ABTB3: variants seen among roughly 807,000 people sequenced by gnomAD.
The protein encoded by ABTB3 is ankyrin repeat and BTB domain containing 3.
At chr12:107,424,414 G>A in the ABTB3 span, among the ~76,000 whole-genome samples, 1 of 152,186 alleles carries the variant, frequency 6.6e-6, no homozygotes, top group African/African-American at 2.4e-5. Flanking sequence ...CTTCTCCCTT[G>A]GAGATGCGGA....
chr12:107,344,378 GA>G, the ABTB3 span, among the ~76,000 whole-genome samples: 1 of 152,168 alleles, frequency 6.6e-6, no homozygotes, highest in Non-Finnish European at 1.5e-5. Flanking sequence ...GGAGAGAAGG[GA>G]AATTGGTTGG....
chr12:107,493,787 C>T, the ABTB3 span, among the ~76,000 whole-genome samples: 6 of 152,080 alleles, frequency 3.9e-5, no homozygotes, highest in Non-Finnish European at 7.3e-5. Context: ...AACATGAAGG[C>T]GGAGATGAGG....
At chr12:107,508,452 T>TTGTTTTTTTG in the ABTB3 span, among the ~76,000 whole-genome samples, 4 of 119,128 alleles carry the variant, frequency 3.4e-5, no homozygotes, top group Admixed American at 8.5e-5. Flanking sequence ...TTTTTTTTTT[T>TTGTTTTTTTG]TTTTTTTTTT....
At chr12:107,533,075 A>C in the ABTB3 span, among the ~76,000 whole-genome samples, 2 of 152,222 alleles carry the variant, frequency 1.3e-5, no homozygotes, top group Admixed American at 1.3e-4. Context: ...CTGAAAAAAA[A>C]CACATGAATG....
chr12:107,591,530 A>T, the ABTB3 span, among the ~76,000 whole-genome samples: 1 of 152,162 alleles, frequency 6.6e-6, no homozygotes, highest in Admixed American at 6.5e-5. Flanking sequence ...GCAAGGGGGA[A>T]GTCCACCCCC....
At chr12:107,597,873 C>A in the ABTB3 span, among the ~76,000 whole-genome samples, 1 of 152,182 alleles carries the variant, frequency 6.6e-6, no homozygotes, top group Non-Finnish European at 1.5e-5. Flanking sequence ...GCCCCTGGGT[C>A]ACCTTCTGTT....
chr12:107,626,974 C>T, the ABTB3 span, among the ~76,000 whole-genome samples: 1 of 151,886 alleles, frequency 6.6e-6, no homozygotes, highest in African/African-American at 2.4e-5. Context: ...ATCACAAGAC[C>T]CCATCTCTAA....
chr12:107,510,426 T>A, the ABTB3 span, among the ~76,000 whole-genome samples: 4 of 151,906 alleles, frequency 2.6e-5, no homozygotes, highest in South Asian at 8.3e-4. Flanking sequence ...TCCCCAATGC[T>A]ACACCATAAC....
the ABTB3 span, among the ~76,000 whole-genome samples, chr12:107,529,015 G>T: frequency 1.3e-5 from 2 of 149,680 alleles, no homozygotes; most frequent in East Asian, 2.0e-4. Flanking sequence ...GATGATGGTG[G>T]TGATGATAAT....
At chr12:107,507,560 T>G in the ABTB3 span, among the ~76,000 whole-genome samples, 38 of 152,204 alleles carry the variant, frequency 2.5e-4, no homozygotes, top group African/African-American at 8.9e-4. Flanking sequence ...AGCTGCCTCC[T>G]CCCAGTGATA....
At chr12:107,640,000 G>C in the ABTB3 span, among the ~76,000 whole-genome samples, 1 of 152,204 alleles carries the variant, frequency 6.6e-6, no homozygotes, top group South Asian at 2.1e-4. Context: ...AGCCCTGAGA[G>C]AGAGCAGCAG....
At chr12:107,480,603 C>T in the ABTB3 span, among the ~76,000 whole-genome samples, 2 of 152,056 alleles carry the variant, frequency 1.3e-5, no homozygotes, top group Non-Finnish European at 2.9e-5. Context: ...ACAGCTGATC[C>T]CGTTATAAGA....
the ABTB3 span, among the ~76,000 whole-genome samples, chr12:107,469,877 TC>T: frequency 9.2e-5 from 9 of 97,444 alleles, no homozygotes; most frequent in East Asian, 2.6e-3. Context: ...TTTCTTTCTT[TC>T]TTTCTTTCTT....
chr12:107,347,765 C>T, the ABTB3 span, among the ~76,000 whole-genome samples: 2 of 152,110 alleles, frequency 1.3e-5, no homozygotes, highest in South Asian at 4.1e-4. Context: ...AAGAATCCCA[C>T]CCCTTGATGG....
chr12:107,466,311 G>A, the ABTB3 span, among the ~76,000 whole-genome samples: 10 of 152,034 alleles, frequency 6.6e-5, no homozygotes, highest in Non-Finnish European at 1.5e-4. Context: ...GGAAGTGAGG[G>A]GAAGAGCAAG....
At chr12:107,372,615 C>T in the ABTB3 span, among the ~76,000 whole-genome samples, 1 of 152,140 alleles carries the variant, frequency 6.6e-6, no homozygotes, top group Non-Finnish European at 1.5e-5. Flanking sequence ...GCTCACTGAG[C>T]TCAGCTGCGT....
At chr12:107,414,716 C>CTTTTTTTTTTTTTTTTT in the ABTB3 span, among the ~76,000 whole-genome samples, 6 of 144,724 alleles carry the variant, frequency 4.1e-5, no homozygotes, top group Non-Finnish European at 1.5e-5. Flanking sequence ...CTTTTCTTTT[C>CTTTTTTTTTTTTTTTTT]TTTTTCTTTT....
At chr12:107,566,736 A>G in the ABTB3 span, among the ~76,000 whole-genome samples, 1 of 151,874 alleles carries the variant, frequency 6.6e-6, no homozygotes, top group African/African-American at 2.4e-5. Flanking sequence ...GACTGCAGCA[A>G]GTTCAATCCA....
At chr12:107,437,401 CTTTTTTTT>C in the ABTB3 span, among the ~76,000 whole-genome samples, 5 of 138,234 alleles carry the variant, frequency 3.6e-5, no homozygotes, top group Admixed American at 7.3e-5. Context: ...TTTCTTTTTT[CTTTTTTTT>C]TTTTTGAGAT....
Sources: allele counts gnomAD v4.1 joint callset (sites outside exome capture counted in the v4.1 genomes callset), GRCh38; gene constraint gnomAD v4.1.1; transcripts MANE v1.5; gene names NCBI Gene and HGNC (gene_info 2026-07-23, HGNC 2026-07-21).